Variants in CAPN13 observed in about 807,000 individuals in gnomAD.
CAPN13 encodes calpain-13.
CAPN13 carries 90 observed loss-of-function variants against 98.4 expected under a neutral mutation model. The observed-to-expected ratio is 0.92, with a 90% CI of 0.77 to 1.09. The LOEUF is 1.09. Ranked by LOEUF, CAPN13 falls within the 50% of genes least tolerant of loss-of-function variation. CAPN13 has a pLI of 0.00. For missense variants in CAPN13, 887 were observed against 841.3 expected, an observed-to-expected ratio of 1.05 and a Z score of -0.67; for synonymous variants, 330 against 305.5, an observed-to-expected ratio of 1.08 and a Z score of -0.84.
intron 2 of CAPN13, 61 bp from the exon 3 acceptor site, chr2:30,777,700 A>G: frequency 7.6e-7 from 1 of 1,317,862 alleles, no homozygotes; most frequent in South Asian, 1.3e-5. Context: ...CCAAAGCGAC[A>G]TCATTCACTT....
chr2:30,799,097 G>A (rs992427050), intron 1 of CAPN13, among the ~76,000 whole-genome samples: 3 of 152,050 alleles, frequency 2.0e-5, no homozygotes, highest in Non-Finnish European at 4.4e-5. Flanking sequence ...GGGAGACAGA[G>A]AGAGAATGAA....
chr2:30,803,530 C>T (rs1395221043), intron 1 of CAPN13, among the ~76,000 whole-genome samples: 2 of 152,158 alleles, frequency 1.3e-5, no homozygotes, highest in East Asian at 3.9e-4. Context: ...CTCCTGGCTG[C>T]TCCCAATTTT....
intron 2 of CAPN13, among the ~76,000 whole-genome samples, chr2:30,781,859 A>G (rs1036709368): frequency 6.6e-6 from 1 of 152,228 alleles, no homozygotes. Flanking sequence ...ATACTAGGAT[A>G]TATTTATATA....
intron 5 of CAPN13, among the ~76,000 whole-genome samples, chr2:30,766,302 C>T (rs977747272): frequency 6.6e-6 from 1 of 152,222 alleles, no homozygotes; most frequent in Non-Finnish European, 1.5e-5. Flanking sequence ...GCACCCACAG[C>T]ATCCGGCAGT....
intron 5 of CAPN13, 100 bp downstream of exon 5, chr2:30,770,213 G>A: frequency 6.7e-7 from 1 of 1,488,398 alleles, no homozygotes; most frequent in South Asian, 1.3e-5. Context: ...GCCCAGCCAG[G>A]TGGCAAAGGC....
intron 22 of CAPN13, among the ~76,000 whole-genome samples, chr2:30,725,955 T>C (rs895644159): frequency 4.0e-5 from 6 of 151,576 alleles, no homozygotes; most frequent in African/African-American, 1.5e-4. Context: ...GGGAAGAAAA[T>C]AGAGAATAGC....
intron 22 of CAPN13, among the ~76,000 whole-genome samples, chr2:30,730,221 G>C (rs973846751): frequency 2.0e-5 from 3 of 152,154 alleles, no homozygotes; most frequent in African/African-American, 7.2e-5. Context: ...AAAAAATGTA[G>C]AGGAAATGAC....
intron 4 of CAPN13, among the ~76,000 whole-genome samples, chr2:30,771,383 AG>A (rs1673401469): frequency 6.6e-6 from 1 of 152,216 alleles, no homozygotes; most frequent in Non-Finnish European, 1.5e-5. Context: ...TGGATGTCCC[AG>A]ATGTCAGGCT....
intron 12 of CAPN13, among the ~76,000 whole-genome samples, chr2:30,744,071 G>A (rs1376784861): frequency 6.6e-6 from 1 of 152,150 alleles, no homozygotes; most frequent in Non-Finnish European, 1.5e-5. Flanking sequence ...AATGGGCCCT[G>A]ATCATTTTCC....
intron 4 of CAPN13, among the ~76,000 whole-genome samples, chr2:30,773,594 A>T (rs577803954): frequency 5.3e-5 from 8 of 152,368 alleles, no homozygotes; most frequent in Admixed American, 5.2e-4. Flanking sequence ...ACCCAAGGCC[A>T]GAGCATTAAA....
intron 22 of CAPN13, 55 bp from the exon 23 acceptor site, chr2:30,723,291 T>C (rs748301421): frequency 6.6e-6 from 1 of 152,086 alleles, no homozygotes; most frequent in Non-Finnish European, 1.5e-5. Flanking sequence ...GTAAAGAAAC[T>C]CCTTCCTTTG....
chr2:30,807,061 CAA>C (rs932000622), intron 1 of CAPN13, among the ~76,000 whole-genome samples: 1 of 152,148 alleles, frequency 6.6e-6, no homozygotes, highest in Admixed American at 6.6e-5. Flanking sequence ...ATGAAATATG[CAA>C]AGTTTGGATT....
At chr2:30,729,107 T>G (rs1670967271) in intron 22 of CAPN13, among the ~76,000 whole-genome samples, 1 of 152,078 alleles carries the variant, frequency 6.6e-6, no homozygotes, top group Non-Finnish European at 1.5e-5. Flanking sequence ...TGAAGGATAA[T>G]GAGGAAGAAG....
chr2:30,786,018 C>T (rs1674257208), intron 2 of CAPN13, among the ~76,000 whole-genome samples: 1 of 137,186 alleles, frequency 7.3e-6, no homozygotes, highest in Non-Finnish European at 1.5e-5. Context: ...CAAATCTGCC[C>T]CAACGTAGGG....
Position 30,772,015 on chromosome 2 carries a change from C to T in CAPN13, c.388-1566G>A, listed in dbSNP as rs149292744. On this transcript the variant is annotated intron_variant, in intron 4 of 22. Coordinates refer to ENST00000295055, the MANE Select transcript of CAPN13 (RefSeq NM_144575.3). ...CATTAAGAATGAGTAAGTCCCGGCTCGAATGAGCTTCTCTGGTTAGTTCAT... is the reference window on the plus strand; with the variant it reads ...CATTAAGAATGAGTAAGTCCCGGCTTGAATGAGCTTCTCTGGTTAGTTCAT... Among the ~76,000 whole-genome samples the T allele has an allele frequency of 6.3e-4, 96 of 152,318 alleles. 1 individual carries two copies. Among genetic ancestry groups the T allele is most frequent in the African/African-American group, 2.2e-3 (92 of 41,564 alleles).
At chr2:30,740,389 G>A (rs1192290931) in intron 15 of CAPN13, among the ~76,000 whole-genome samples, 3 of 152,196 alleles carry the variant, frequency 2.0e-5, no homozygotes, top group Non-Finnish European at 4.4e-5. Flanking sequence ...TACCGTGCCC[G>A]GCAACCATTG....
At chr2:30,730,438 T>G (rs1322292796) in intron 22 of CAPN13, among the ~76,000 whole-genome samples, 1 of 152,212 alleles carries the variant, frequency 6.6e-6, no homozygotes, top group African/African-American at 2.4e-5. Context: ...CTTCCCGTGA[T>G]GAGAGATACT....
At chr2:30,745,613 C>G in intron 12 of CAPN13, 110 bp downstream of exon 12, 1 of 1,083,942 alleles carries the variant, frequency 9.2e-7, no homozygotes, top group Non-Finnish European at 1.3e-6. Flanking sequence ...CTTAGCGAGA[C>G]TGAATTTGCA....
intron 1 of CAPN13, among the ~76,000 whole-genome samples, chr2:30,799,632 G>A (rs1420300482): frequency 6.6e-6 from 1 of 152,206 alleles, no homozygotes; most frequent in Non-Finnish European, 1.5e-5. Flanking sequence ...CCTGCCGAGG[G>A]CATCCTACTT....
Sources: allele counts gnomAD v4.1 joint callset (sites outside exome capture counted in the v4.1 genomes callset), GRCh38; gene constraint gnomAD v4.1.1; transcripts MANE v1.5; gene names NCBI Gene and HGNC (gene_info 2026-07-23, HGNC 2026-07-21).